The following RCC2 variants were observed in gnomAD, a reference collection of about 807,000 sequenced individuals.
RCC2 encodes protein RCC2.
In RCC2, 19 loss-of-function variants were observed where a neutral mutation model predicts 64.1. The ratio of observed to expected loss-of-function variants is 0.30; its 90% CI spans 0.21 to 0.44. The LOEUF (loss-of-function observed/expected upper bound fraction) is 0.44. RCC2 is among the 20% of genes least tolerant of loss of function. The pLI, the probability that RCC2 is intolerant of heterozygous loss-of-function variation, is 1.00. For missense variants in RCC2, 508 were observed against 710.4 expected (o/e 0.72, Z 3.24); for synonymous variants, 325 against 279.6 (o/e 1.16, Z -1.62).
chr1:17,429,037 AGGCAGGT>A, intron 3 of RCC2, 62 bp downstream of exon 3: 1 of 1,187,950 alleles, frequency 8.4e-7, no homozygotes, highest in Non-Finnish European at 1.3e-6. Context: ...AATACCTACC[AGGCAGGT>A]GGTCAACAGA....
intron 2 of RCC2, among the ~76,000 whole-genome samples, chr1:17,433,851 G>A (rs978059174): frequency 3.3e-5 from 5 of 152,164 alleles, no homozygotes; most frequent in African/African-American, 7.2e-5. Context: ...TAAGACCCCC[G>A]GGAACAATGC....
At chr1:17,429,815 GC>G (rs2075656121) in intron 2 of RCC2, among the ~76,000 whole-genome samples, 1 of 152,150 alleles carries the variant, frequency 6.6e-6, no homozygotes, top group South Asian at 2.1e-4. Flanking sequence ...CTGTCCATGA[GC>G]CCGGGAGCCA....
chr1:17,428,595 A>G (rs1026073238), intron 3 of RCC2, among the ~76,000 whole-genome samples: 3 of 152,178 alleles, frequency 2.0e-5, no homozygotes, highest in Non-Finnish European at 4.4e-5. Context: ...CAGTTTTCCA[A>G]AGGTAACTGG....
In RCC2 at chr1:17,422,743, G is replaced by C; in HGVS notation, c.617C>G (p.Ser206Cys). 6.2e-7 allele frequency: 1 copy of C among 1,614,138 alleles called. No homozygotes were observed. The highest frequency in any genetic ancestry group is 8.5e-7 in the Non-Finnish European group (1 of 1,180,020). ...GGTGTGGTTCCGCCCACATGCTGCA[G>C]ACACAATCACTTCGTGGCTAAGACC... ...IEGLSHEVIV[S>C]AACGRNHTLA... The change falls in exon 5 of 13, where the codon TCT becomes TGT. Residue 206 changes from serine to cysteine, a missense_variant. Transcript: ENST00000375436.
intron 2 of RCC2, among the ~76,000 whole-genome samples, chr1:17,431,917 G>A (rs943991740): frequency 6.6e-6 from 1 of 152,076 alleles, no homozygotes; most frequent in Non-Finnish European, 1.5e-5. Flanking sequence ...TGGCCAACAT[G>A]GTGAAACCCT....
intron 2 of RCC2, among the ~76,000 whole-genome samples, chr1:17,436,408 C>G (rs1168465205): frequency 1.3e-5 from 2 of 152,092 alleles, no homozygotes; most frequent in Non-Finnish European, 2.9e-5. Flanking sequence ...AGAGGCTGAT[C>G]AGCACACAAA....
intron 2 of RCC2, among the ~76,000 whole-genome samples, chr1:17,432,928 A>C (rs1570207853): frequency 6.6e-6 from 1 of 152,296 alleles, no homozygotes; most frequent in East Asian, 1.9e-4. Flanking sequence ...ACTGCACTCC[A>C]GACTGGGCGA....
chr1:17,431,359 A>ATAAAAAATATATATATAT (rs1265674393), intron 2 of RCC2, among the ~76,000 whole-genome samples: 6 of 44,938 alleles, frequency 1.3e-4, no homozygotes, highest in Non-Finnish European at 2.3e-4. Context: ...AAAAAAAAAA[A>ATAAAAAATATATATATAT]ATATATATAT....
chr1:17,439,180 C>A (rs1252390724), intron 1 of RCC2, among the ~76,000 whole-genome samples: 1 of 152,148 alleles, frequency 6.6e-6, no homozygotes, highest in African/African-American at 2.4e-5. Flanking sequence ...AACACCTGCT[C>A]GCACAGACAC....
intron 3 of RCC2, among the ~76,000 whole-genome samples, chr1:17,426,671 T>C (rs2075619662): frequency 6.6e-6 from 1 of 151,362 alleles, no homozygotes; most frequent in Non-Finnish European, 1.5e-5. Flanking sequence ...CAGCGAGCAC[T>C]CAATGGGAAA....
chr1:17,437,862 A>T (rs1277641315), intron 2 of RCC2, among the ~76,000 whole-genome samples: 1 of 143,940 alleles, frequency 6.9e-6, no homozygotes, highest in Non-Finnish European at 1.5e-5. Flanking sequence ...AGGCCGGGCG[A>T]ACTTACCGAG....
chr1:17,428,040 G>A (rs770347153), intron 3 of RCC2, among the ~76,000 whole-genome samples: 2 of 152,164 alleles, frequency 1.3e-5, no homozygotes, highest in Non-Finnish European at 1.5e-5. Flanking sequence ...ATACATGCGC[G>A]GGAGGCAACA....
intron 10 of RCC2, among the ~76,000 whole-genome samples, 197 bp from the exon 11 acceptor site, chr1:17,412,391 A>C (rs183344854): frequency 6.6e-6 from 1 of 152,206 alleles, no homozygotes; most frequent in Non-Finnish European, 1.5e-5. Flanking sequence ...CGCTTCAACA[A>C]AACAACAAAG....
chr1:17,407,719 A>T lies in RCC2; in HGVS notation c.*1371T>A, dbSNP rs570386706. On this transcript the variant is annotated 3_prime_UTR_variant, in exon 13 of 13. Transcript: ENST00000375436. Reference sequence around the variant, plus strand: ...GTGGTAACAAAGCAAAAGAAAAAAAAAACTTGAAGAGACCAATATTTAACT... The same window carrying T: ...GTGGTAACAAAGCAAAAGAAAAAAATAACTTGAAGAGACCAATATTTAACT... 3 of 152,764 alleles carry T rather than the reference A, an allele frequency of 2.0e-5. No individual in the cohort carries two copies. Among genetic ancestry groups the T allele is most frequent in the East Asian group, 3.9e-4 (2 of 5,184 alleles). 9.5% of individuals were successfully genotyped at this position (152,764 alleles called of 1,614,324 possible).
chr1:17,437,036 G>T (rs2075742203), intron 2 of RCC2, among the ~76,000 whole-genome samples: 1 of 152,200 alleles, frequency 6.6e-6, no homozygotes, highest in Non-Finnish European at 1.5e-5. Context: ...CTTTTACAAA[G>T]CATATTCCCA....
chr1:17,414,837 T>C (rs111265150), intron 8 of RCC2, among the ~76,000 whole-genome samples: 1 of 152,128 alleles, frequency 6.6e-6, no homozygotes, highest in Non-Finnish European at 1.5e-5. Context: ...TCTCACCATG[T>C]TGCTCAGGCT....
intron 8 of RCC2, among the ~76,000 whole-genome samples, chr1:17,415,845 G>A (rs1372942312): frequency 6.6e-6 from 1 of 151,450 alleles, no homozygotes; most frequent in Non-Finnish European, 1.5e-5. Flanking sequence ...GAGGTGGGCA[G>A]ATCACCTGAG....
At chr1:17,434,592 C>T (rs2075716699) in intron 2 of RCC2, among the ~76,000 whole-genome samples, 1 of 152,186 alleles carries the variant, frequency 6.6e-6, no homozygotes, top group African/African-American at 2.4e-5. Flanking sequence ...GTCATGAGAA[C>T]CCCAACTAGA....
intron 4 of RCC2, among the ~76,000 whole-genome samples, chr1:17,424,657 A>C (rs1452317413): frequency 6.6e-6 from 1 of 152,236 alleles, no homozygotes; most frequent in Non-Finnish European, 1.5e-5. Context: ...TCATGAAATC[A>C]CAAAAAACGG....
Sources: gnomAD v4.1 joint callset for allele counts (sites outside exome capture counted in the v4.1 genomes callset) on GRCh38, gnomAD v4.1.1 for gene constraint, MANE v1.5 for transcripts, NCBI Gene and HGNC (gene_info 2026-07-23, HGNC 2026-07-21) for gene names.